The following DARS1 variants were observed in gnomAD, a reference collection of about 807,000 sequenced individuals.
DARS1 encodes the protein aspartate--tRNA ligase, cytoplasmic.
A neutral mutation model predicts 68.8 loss-of-function variants in DARS1; 51 were observed. That is an observed-to-expected ratio of 0.74 (90% CI 0.59 to 0.94). The LOEUF (loss-of-function observed/expected upper bound fraction) is 0.94, where lower values mean the gene tolerates loss of function less well. DARS1 is among the 40% of genes least tolerant of loss of function. The pLI is 0.00. For missense variants in DARS1, 607 were observed against 597.3 expected (o/e 1.02, Z -0.17); for synonymous variants, 203 against 190.4 (o/e 1.07, Z -0.55).
At chr2:135,953,252 C>G (rs923719310) in intron 4 of DARS1, among the ~76,000 whole-genome samples, 1 of 152,220 alleles carries the variant, frequency 6.6e-6, no homozygotes, top group Non-Finnish European at 1.5e-5. Flanking sequence ...TAGGAAAGGA[C>G]TTTAGTTGGT....
intron 4 of DARS1, among the ~76,000 whole-genome samples, chr2:135,954,276 A>T (rs1403334165): frequency 1.3e-5 from 2 of 148,948 alleles, no homozygotes; most frequent in Non-Finnish European, 1.5e-5. Context: ...AATATTTCAC[A>T]TCTCGATTTC....
intron 7 of DARS1, among the ~76,000 whole-genome samples, chr2:135,928,959 C>T (rs918353814): frequency 6.6e-6 from 1 of 152,148 alleles, no homozygotes; most frequent in Non-Finnish European, 1.5e-5. Context: ...AAGCTGTCTG[C>T]AATTGCTATT....
chr2:135,978,412 G>A (rs1261227523), intron 3 of DARS1, among the ~76,000 whole-genome samples: 1 of 152,186 alleles, frequency 6.6e-6, no homozygotes, highest in African/African-American at 2.4e-5. Flanking sequence ...ATTACTATGA[G>A]ACTTTGGGCA....
chr2:135,983,650 CT>C (rs142710461), intron 1 of DARS1, among the ~76,000 whole-genome samples, 196 bp from the exon 2 acceptor site: 33 of 152,242 alleles, frequency 2.2e-4, no homozygotes, highest in African/African-American at 7.5e-4. Flanking sequence ...CAGAAAAGTA[CT>C]GTTTCTGGTT....
chr2:135,947,796 G>C (rs1346441503), intron 4 of DARS1, among the ~76,000 whole-genome samples: 2 of 150,994 alleles, frequency 1.3e-5, no homozygotes, highest in Non-Finnish European at 2.9e-5. Flanking sequence ...AAGCTCATGA[G>C]CTGCTAGATT....
chr2:135,936,809 GA>G lies in DARS1; in HGVS notation c.424-2820del, dbSNP rs1434783545. Among the ~76,000 whole-genome samples, 16 of 152,260 alleles carry G rather than the reference GA, an allele frequency of 1.1e-4. No homozygotes were observed. The South Asian group carries it at 3.3e-3, about 32-fold the overall frequency. On this transcript the variant is annotated intron_variant, in intron 5 of 15. Coordinates refer to ENST00000264161, the MANE Select transcript of DARS1 (RefSeq NM_001349.4). Reference sequence around the variant, plus strand: ...TTTTGTAAGTCTTGAAGAGTTCCAAGAAAACAGATTCCAGCTAAATACAATG... The same window carrying G: ...TTTTGTAAGTCTTGAAGAGTTCCAAGAAACAGATTCCAGCTAAATACAATG...
intron 3 of DARS1, among the ~76,000 whole-genome samples, chr2:135,977,583 G>A (rs975094325): frequency 6.6e-6 from 1 of 152,168 alleles, no homozygotes; most frequent in African/African-American, 2.4e-5. Context: ...AGTAAATGAA[G>A]GATTATAATA....
At chr2:135,924,217 T>C (rs985997034) in intron 8 of DARS1, among the ~76,000 whole-genome samples, 170 bp downstream of exon 8, 4 of 152,224 alleles carry the variant, frequency 2.6e-5, no homozygotes, top group African/African-American at 9.6e-5. Context: ...TTATTAAGGT[T>C]GGTGATATAT....
Position 135,964,840 on chromosome 2 carries a change from C to CAAAA in DARS1, c.218-3346_218-3343dup, listed in dbSNP as rs372676148. On this transcript the variant is annotated intron_variant, in intron 3 of 15. Coordinates refer to ENST00000264161, the MANE Select transcript of DARS1 (RefSeq NM_001349.4). The stretch of plus-strand genomic sequence containing the variant: ...TGGGTAACAGAGCAAGACTCCACCT[C>CAAAA]AAAAAAAAAAAAAAAAAAAAAAAGA... 4.7e-3 allele frequency among the ~76,000 whole-genome samples: 229 copies of CAAAA among 49,232 alleles called. 2 individuals carry two copies. The highest frequency in any genetic ancestry group is 9.8e-3 in the African/African-American group (127 of 12,942). The allele number at this position is 49,232 out of a possible 152,430, so 32.3% of individuals were successfully genotyped here.
intron 7 of DARS1, 105 bp downstream of exon 7, chr2:135,932,678 G>T (rs1261864759): frequency 9.1e-6 from 6 of 660,246 alleles, no homozygotes; most frequent in South Asian, 8.4e-5. Context: ...CATACTTACA[G>T]TCAGGCAAAT....
intron 12 of DARS1, among the ~76,000 whole-genome samples, chr2:135,913,954 G>C (rs892296764): frequency 6.6e-6 from 1 of 152,146 alleles, no homozygotes; most frequent in African/African-American, 2.4e-5. Flanking sequence ...CCAGTAGGAG[G>C]AGCTCAAGGA....
intron 13 of DARS1, 179 bp from the exon 14 acceptor site, chr2:135,911,672 A>G (rs553443645): frequency 1.4e-5 from 7 of 501,758 alleles, no homozygotes; most frequent in African/African-American, 4.0e-5. Context: ...TTCTTTGTTT[A>G]TATCAGATTC....
intron 1 of DARS1, 127 bp from the exon 2 acceptor site, chr2:135,983,581 G>T: frequency 1.9e-6 from 1 of 533,702 alleles, no homozygotes; most frequent in Non-Finnish European, 3.3e-6. Flanking sequence ...AATTCAGAAA[G>T]TCAGTAGTTT....
intron 8 of DARS1, among the ~76,000 whole-genome samples, chr2:135,923,245 A>G (rs1681142677): frequency 6.6e-6 from 1 of 151,688 alleles, no homozygotes; most frequent in South Asian, 2.1e-4. Flanking sequence ...ATTCTTCATC[A>G]TTTTTCCTCT....
intron 7 of DARS1, 68 bp from the exon 8 acceptor site, chr2:135,924,566 A>G: frequency 1.3e-6 from 2 of 1,532,232 alleles, no homozygotes; most frequent in Non-Finnish European, 1.7e-6. Context: ...TCTGTGGGCT[A>G]GGCACTGTGG....
intron 3 of DARS1, among the ~76,000 whole-genome samples, chr2:135,966,951 G>C (rs1682250384): frequency 6.6e-6 from 1 of 152,184 alleles, no homozygotes; most frequent in African/African-American, 2.4e-5. Flanking sequence ...TGTAAAGTCA[G>C]AAATTTTTTA....
At chr2:135,979,585 A>G (rs1024147191) in intron 2 of DARS1, among the ~76,000 whole-genome samples, 1 of 152,150 alleles carries the variant, frequency 6.6e-6, no homozygotes, top group African/African-American at 2.4e-5. Flanking sequence ...AAATCCGTCT[A>G]TTTCTCTACC....
At chr2:135,939,039 G>A (rs1323958682) in intron 5 of DARS1, among the ~76,000 whole-genome samples, 1 of 152,118 alleles carries the variant, frequency 6.6e-6, no homozygotes, top group Non-Finnish European at 1.5e-5. Context: ...CAGAGACTTA[G>A]ACTTCCTCAC....
rs1368313425 is a variant in DARS1, at chr2:135,905,922, A to G, written c.*1394T>C. Among the ~76,000 whole-genome samples the G allele has an allele frequency of 6.6e-6, 1 of 152,184 alleles. No homozygotes were observed. Among genetic ancestry groups the G allele is most frequent in the Non-Finnish European group, 1.5e-5 (1 of 68,024 alleles). On this transcript the variant is annotated 3_prime_UTR_variant, in exon 16 of 16. Coordinates refer to ENST00000264161, the MANE Select transcript of DARS1 (RefSeq NM_001349.4). ...TTATTTTGAAACAAGCTATAATTACATGAAATTAAGAACAGCTCTAGGGCC... is the reference window on the plus strand; with the variant it reads ...TTATTTTGAAACAAGCTATAATTACGTGAAATTAAGAACAGCTCTAGGGCC...
Sources: gnomAD v4.1 joint callset for allele counts (sites outside exome capture counted in the v4.1 genomes callset) on GRCh38, gnomAD v4.1.1 for gene constraint, MANE v1.5 for transcripts, NCBI Gene and HGNC (gene_info 2026-07-23, HGNC 2026-07-21) for gene names.